RBFOX1: variants seen among roughly 807,000 people sequenced by gnomAD.
The protein encoded by RBFOX1 is RNA binding protein fox-1 homolog 1.
In RBFOX1, 8 loss-of-function variants were observed where a neutral mutation model predicts 57.7. That is an observed-to-expected ratio of 0.14 (90% confidence interval 0.08 to 0.25). The LOEUF is 0.25. RBFOX1 is among the 10% of genes least tolerant of loss of function. RBFOX1 has a pLI of 1.00. For missense variants in RBFOX1, 611 were observed against 548.5 expected, an observed-to-expected ratio of 1.11 and a Z score of -1.14; for synonymous variants, 326 against 222.4, an observed-to-expected ratio of 1.47 and a Z score of -4.15.
intron 3 of RBFOX1, among the ~76,000 whole-genome samples, chr16:7,036,987 G>T (rs961131165): frequency 2.0e-5 from 3 of 152,120 alleles, no homozygotes; most frequent in Non-Finnish European, 4.4e-5. Context: ...GTAACTTCCT[G>T]ACGTTGCCAT....
At chr16:5,587,458 A>G (rs1226181015) in intron 2 of RBFOX1, among the ~76,000 whole-genome samples, 1 of 152,242 alleles carries the variant, frequency 6.6e-6, no homozygotes, top group Non-Finnish European at 1.5e-5. Context: ...CACGCCTGTC[A>G]TCCCAGCACT....
Position 6,955,689 on chromosome 16 carries a change from G to GTATGTATTTATTTATTTATTTATTTATT in RBFOX1, c.-15-96365_-15-96364insGTATTTATTTATTTATTTATTTATTTAT, listed in dbSNP as rs764676268. Among the ~76,000 whole-genome samples, 209 of 118,710 alleles carry GTATGTATTTATTTATTTATTTATTTATT rather than the reference G, an allele frequency of 1.8e-3. 1 individual carries two copies. Among genetic ancestry groups the GTATGTATTTATTTATTTATTTATTTATT allele is most frequent in the African/African-American group, 5.8e-3 (205 of 35,232 alleles). The allele number at this position is 118,710 out of a possible 152,430, so 77.9% of individuals were successfully genotyped here. ...CCACTTTATTTATTTAGGTATGTATGTATTTATTTATTTATTTATTTATTT... is the reference window on the plus strand; with the variant it reads ...CCACTTTATTTATTTAGGTATGTATGTATGTATTTATTTATTTATTTATTTATTTATTTATTTATTTATTTATTTATTT... On this transcript the variant is annotated intron_variant, in intron 3 of 15. Coordinates refer to ENST00000550418, the MANE Select transcript of RBFOX1 (RefSeq NM_018723.4).
At chr16:5,251,146 C>G (rs1180238306) in intron 1 of RBFOX1, among the ~76,000 whole-genome samples, 7 of 152,232 alleles carry the variant, frequency 4.6e-5, no homozygotes, top group Non-Finnish European at 8.8e-5. Context: ...CCCCTGCTAA[C>G]AGGGACTCTG....
chr16:6,892,673 A>C (rs2065752007), intron 3 of RBFOX1, among the ~76,000 whole-genome samples: 1 of 144,542 alleles, frequency 6.9e-6, no homozygotes, highest in South Asian at 2.2e-4. Flanking sequence ...GTCTCGAAAC[A>C]AACAAACAAA....
At chr16:6,332,533 T>C (rs2083169197) in intron 2 of RBFOX1, among the ~76,000 whole-genome samples, 1 of 152,216 alleles carries the variant, frequency 6.6e-6, no homozygotes, top group Non-Finnish European at 1.5e-5. Context: ...AGCTAGTTGA[T>C]TTAAATTCTC....
At chr16:7,573,059 G>C (rs2092955937) in intron 5 of RBFOX1, among the ~76,000 whole-genome samples, 1 of 152,154 alleles carries the variant, frequency 6.6e-6, no homozygotes, top group African/African-American at 2.4e-5. Context: ...GAAGAAATCA[G>C]TGGTCAAGGG....
intron 1 of RBFOX1, among the ~76,000 whole-genome samples, chr16:6,226,370 T>C (rs2097417868): frequency 2.6e-5 from 1 of 39,036 alleles, no homozygotes; most frequent in Non-Finnish European, 5.8e-5. Context: ...TGAAACTCTG[T>C]CTCCAAAAAA....
chr16:6,436,802 T>C (rs562979710), intron 2 of RBFOX1, among the ~76,000 whole-genome samples: 2 of 152,196 alleles, frequency 1.3e-5, no homozygotes, highest in East Asian at 3.9e-4. Flanking sequence ...AGACACAAAA[T>C]GGTACACGTA....
chr16:6,062,300 C>A (rs1052526114), intron 1 of RBFOX1, among the ~76,000 whole-genome samples: 1 of 151,550 alleles, frequency 6.6e-6, no homozygotes, highest in African/African-American at 2.4e-5. Flanking sequence ...AGCCCCCCTG[C>A]CCTCTCAAGA....
At chr16:6,929,380 T>A (rs150562617) in intron 3 of RBFOX1, among the ~76,000 whole-genome samples, 1 of 152,154 alleles carries the variant, frequency 6.6e-6, no homozygotes, top group East Asian at 1.9e-4. Context: ...CACGTCACCA[T>A]TGTCAAAATG....
chr16:6,088,381 G>A (rs2096120423), intron 1 of RBFOX1, among the ~76,000 whole-genome samples: 1 of 152,100 alleles, frequency 6.6e-6, no homozygotes, highest in African/African-American at 2.4e-5. Context: ...ATGTGATTTA[G>A]TAATTGTCAT....
At chr16:5,760,129 G>A (rs17791105) in intron 3 of RBFOX1, among the ~76,000 whole-genome samples, 8,729 of 151,948 alleles carry the variant, frequency 0.057, 365 homozygotes, top group Non-Finnish European at 0.087. Context: ...ATCAAATAAA[G>A]CACCTGACTT....
At chr16:7,357,150 G>T (rs914996074) in intron 4 of RBFOX1, among the ~76,000 whole-genome samples, 2 of 151,840 alleles carry the variant, frequency 1.3e-5, no homozygotes, top group Non-Finnish European at 2.9e-5. Flanking sequence ...GCTGGGGCTA[G>T]CATGTAGGAA....
chr16:6,590,509 C>G (rs2097695261), intron 2 of RBFOX1, among the ~76,000 whole-genome samples: 1 of 152,172 alleles, frequency 6.6e-6, no homozygotes, highest in Admixed American at 6.5e-5. Flanking sequence ...TCCTTTATAG[C>G]TTTCGGGAGT....
At chr16:7,571,258 A>T (rs1399766463) in intron 5 of RBFOX1, among the ~76,000 whole-genome samples, 1 of 152,188 alleles carries the variant, frequency 6.6e-6, no homozygotes, top group Non-Finnish European at 1.5e-5. Context: ...TTACCTGGTC[A>T]TCACTAGAAG....
At chr16:7,549,871 C>T (rs1168527337) in intron 5 of RBFOX1, among the ~76,000 whole-genome samples, 7 of 152,124 alleles carry the variant, frequency 4.6e-5, no homozygotes, top group Non-Finnish European at 8.8e-5. Context: ...CAGTACTTTG[C>T]CTCCTTCAGT....
At chr16:7,504,865 G>A (rs1189511456) in intron 4 of RBFOX1, among the ~76,000 whole-genome samples, 1 of 141,114 alleles carries the variant, frequency 7.1e-6, no homozygotes, top group African/African-American at 2.9e-5. Flanking sequence ...AAGAATACCA[G>A]CTGTTCTGGC....
At chr16:6,229,585 T>C (rs1170695901) in intron 1 of RBFOX1, among the ~76,000 whole-genome samples, 3 of 151,950 alleles carry the variant, frequency 2.0e-5, no homozygotes, top group African/African-American at 4.8e-5. Flanking sequence ...TGTAGAAAAA[T>C]AGAGTATGAG....
In RBFOX1 at chr16:6,436,946, C is replaced by G. The variant is rs979373312; in HGVS notation, c.-64+119889C>G. On this transcript the variant is annotated intron_variant, in intron 2 of 15. Transcript: ENST00000550418. ...TCTCCAGTCGATGGGCATAGACATA[C>G]TTCATCCCTTGCAGGCCCAGAATCC... Among the ~76,000 whole-genome samples, 3 of 152,174 alleles carry G rather than the reference C, an allele frequency of 2.0e-5. No homozygotes were observed. The East Asian group carries it at 5.8e-4, about 29-fold the overall frequency.
Sources: allele counts gnomAD v4.1 joint callset (sites outside exome capture counted in the v4.1 genomes callset), GRCh38; gene constraint gnomAD v4.1.1; transcripts MANE v1.5; gene names NCBI Gene and HGNC (gene_info 2026-07-23, HGNC 2026-07-21).